The following MYH6 variants were observed in gnomAD, a reference collection of about 807,000 sequenced individuals.
MYH6 encodes myosin heavy chain 6, also known as myosin-6.
In MYH6, 126 loss-of-function variants were observed where a neutral mutation model predicts 223.2. The ratio of observed to expected loss-of-function variants is 0.56; its 90% CI spans 0.49 to 0.65. The LOEUF (loss-of-function observed/expected upper bound fraction) is 0.65, where lower values mean the gene tolerates loss of function less well. MYH6 is among the 30% of genes least tolerant of loss of function. The pLI, the probability that MYH6 is intolerant of heterozygous loss-of-function variation, is 0.00. For synonymous variants in MYH6, 978 were observed against 1,010.2 expected, an observed-to-expected ratio of 0.97 and a Z score of 0.61; for missense variants, 2,040 against 2,536.4, an observed-to-expected ratio of 0.80 and a Z score of 4.20.
At position 23,407,360 on chromosome 14, in the gene MYH6, C is replaced by T; in HGVS notation, c.-13-124G>A. 1 of 1,190,928 alleles carries T rather than the reference C, an allele frequency of 8.4e-7. No individual in the cohort carries two copies. Among genetic ancestry groups the T allele is most frequent in the Non-Finnish European group, 1.2e-6 (1 of 831,210 alleles). 73.8% of individuals were successfully genotyped at this position (1,190,928 alleles called of 1,614,324 possible). A position where few individuals can be genotyped will look rare whatever the true frequency, so the allele number is the denominator to read the frequency against. ...TCCTCCACCCTGGGAGAGGCACCTG[C>T]TGTTGCACCCTCCCCTACTCAGGGC... On this transcript the variant is annotated intron_variant, in intron 2 of 38. Transcript: ENST00000405093. The surrounding 1 kb of genome is among the most constrained non-coding windows in gnomAD (Gnocchi z 5.6).
At position 23,389,450 on chromosome 14, in the gene MYH6, C is replaced by T. The variant is rs761556453; in HGVS notation, c.3921G>A (p.Lys1307=). The T allele has an allele frequency of 2.5e-6, 4 of 1,614,200 alleles. No homozygotes were observed. The South Asian group carries it at 3.3e-5, about 13-fold the overall frequency. ...CCTCCATTTGCTGGGTATAAGAGAG[C>T]TTCCCCCGGGTCAGCTGCGAGATTA... ...EALISQLTRG[K]LSYTQQMEDL... The change falls in exon 28 of 39, where the codon AAG becomes AAA. Residue 1307 remains lysine (K), a synonymous_variant. Transcript: ENST00000405093.
Position 23,389,765 on chromosome 14 carries a change from C to T in MYH6, c.3733-46G>A, listed in dbSNP as rs368872583. The T allele has an allele frequency of 4.9e-4, 796 of 1,613,774 alleles. 1 individual carries two copies. Among genetic ancestry groups the T allele is most frequent in the East Asian group, 4.2e-4 (19 of 44,864 alleles). On this transcript the variant is annotated intron_variant, in intron 26 of 38. Coordinates refer to ENST00000405093, the MANE Select transcript of MYH6 (RefSeq NM_002471.4). ...AGGGTGAGTGTGGGAGGGGCTGAGT[C>T]GACCAGAGGAAGGAAGAGAGGGTCA...
At chr14:23,386,649 G>T in intron 32 of MYH6, 26 bp from the exon 33 acceptor site, 12 of 1,240,032 alleles carry the variant, frequency 9.7e-6, no homozygotes, top group Non-Finnish European at 1.3e-5. Context: ...GCGAGGGCGG[G>T]CAGACAGGGC....
At chr14:23,391,257 TC>T (rs1460848017) in intron 25 of MYH6, among the ~76,000 whole-genome samples, 1 of 152,068 alleles carries the variant, frequency 6.6e-6, no homozygotes. Flanking sequence ...CATGGATGGG[TC>T]CTACAAGCAG....
rs1404981774 is a variant in MYH6, at chr14:23,389,845, A to G, written c.3733-126T>C. On this transcript the variant is annotated intron_variant, in intron 26 of 38. Coordinates refer to ENST00000405093, the MANE Select transcript of MYH6 (RefSeq NM_002471.4). ...GGACACAGAAGGTGTGGGAGGGCGC[A>G]GTCTGAAGAGAGACTTGAATTAAAG... 6 of 1,544,388 alleles carry G rather than the reference A, an allele frequency of 3.9e-6. No homozygotes were observed. The African/African-American group carries it at 6.8e-5, about 18-fold the overall frequency.
chr14:23,383,339 G>GCA lies in MYH6; in HGVS notation c.5566-20_5566-19insTG. ...CCTCTGTCTGGGGGTGGGAGGGTGG[G>GCA]AGAAGCTGGTTTGGAGGGGGAGCAA... On this transcript the variant is annotated intron_variant, in intron 36 of 38. Transcript: ENST00000405093. 5 of 108,198 alleles carry GCA rather than the reference G, an allele frequency of 4.6e-5. No individual in the cohort carries two copies. The highest frequency in any genetic ancestry group is 7.5e-5 in the South Asian group (1 of 13,332). 6.7% of individuals were successfully genotyped at this position (108,198 alleles called of 1,614,324 possible).
At position 23,403,499 on chromosome 14, in the gene MYH6, C is replaced by T. The variant is rs1274270902; in HGVS notation, c.800-53G>A. 2.0e-6 allele frequency: 3 copies of T among 1,528,772 alleles called. No individual in the cohort carries two copies. The African/African-American group carries it at 4.1e-5, about 21-fold the overall frequency. The allele number at this position is 1,528,772 out of a possible 1,614,324, so 94.7% of individuals were successfully genotyped here. ...GGTGAGGAAGGAAAGAGAGTAGAGC[C>T]AGAAAAAGGTGGCCATGGGGGCAGA... is the stretch of plus-strand genomic sequence containing the variant. On this transcript the variant is annotated intron_variant, in intron 9 of 38. Transcript: ENST00000405093.
At chr14:23,382,135 G>T in intron 38 of MYH6, 72 bp from the exon 39 acceptor site, 2 of 1,423,410 alleles carry the variant, frequency 1.4e-6, no homozygotes, top group East Asian at 2.3e-5. Flanking sequence ...AATCCCTGGG[G>T]CTTTCAGAGG....
In MYH6 at chr14:23,389,072, G is replaced by A. The variant is rs977002628; in HGVS notation, c.3979-17C>T. On this transcript the variant is annotated splice_polypyrimidine_tract_variant and intron_variant, in intron 28 of 38. Transcript: ENST00000405093. The stretch of plus-strand genomic sequence containing the variant: ...GTTCTTCGCCTGGGGAGGGGGGGGG[G>A]CACCAGGAGGTGGGAGGGACTCCCT... The A allele has an allele frequency of 7.9e-6, 9 of 1,135,188 alleles. No individual in the cohort carries two copies. The highest frequency in any genetic ancestry group is 1.5e-5 in the African/African-American group (1 of 68,744). The allele number at this position is 1,135,188 out of a possible 1,614,324, so 70.3% of individuals were successfully genotyped here.
At chr14:23,383,659 T>C (rs1890929384) in intron 36 of MYH6, among the ~76,000 whole-genome samples, 1 of 152,228 alleles carries the variant, frequency 6.6e-6, no homozygotes, top group Non-Finnish European at 1.5e-5. Flanking sequence ...AACCTGGACT[T>C]ACATAGGTTC....
chr14:23,393,106 A>G (rs772712659), intron 23 of MYH6, 49 bp from the exon 24 acceptor site: 5 of 1,611,780 alleles, frequency 3.1e-6, no homozygotes, highest in Non-Finnish European at 3.4e-6. Flanking sequence ...TGAAATCCAT[A>G]GTGTATGCTC....
rs761539900 is a variant in MYH6, at chr14:23,387,818, C to T, written c.4465G>A (p.Ala1489Thr). 22 of 1,613,978 alleles carry T rather than the reference C, an allele frequency of 1.4e-5. No homozygotes were observed. The East Asian group carries it at 2.5e-4, about 18-fold the overall frequency. The change falls in exon 31 of 39, where the codon GCC (alanine) becomes ACC (threonine). Residue 1489 changes from alanine (A) to threonine (T), a missense_variant. Coordinates refer to ENST00000405093, the MANE Select transcript of MYH6 (RefSeq NM_002471.4). The part of the protein sequence containing the change: ...LSTELFKLKN[A>T]YEESLEHLET... ...AGGTGCTCCAGGGACTCCTCGTAGG[C>T]GTTCTTGAGCTTGAAGAGCTCTGTG...
intron 6 of MYH6, 99 bp from the exon 7 acceptor site, chr14:23,404,921 C>G: frequency 6.8e-6 from 10 of 1,478,722 alleles, no homozygotes; most frequent in Non-Finnish European, 9.4e-6. Context: ...CCATCAGAGC[C>G]CAGCACCCAG....
Position 23,382,840 on chromosome 14 carries a change from C to G in MYH6, c.5662-278G>C, listed in dbSNP as rs539002081. On this transcript the variant is annotated intron_variant, in intron 37 of 38. Coordinates refer to ENST00000405093, the MANE Select transcript of MYH6 (RefSeq NM_002471.4). ...CTGTTTTGCTGCACCTGTCCCGGAC[C>G]CCAGCTTCCTGTGCAGGCATGCTAA... 1.7e-3 allele frequency among the ~76,000 whole-genome samples: 255 copies of G among 152,294 alleles called. 3 individuals carry two copies. The highest frequency in any genetic ancestry group is 1.8e-3 in the Non-Finnish European group (121 of 68,028).
At chr14:23,403,629 T>C (rs1286398156) in intron 9 of MYH6, 86 bp downstream of exon 9, 6 of 1,326,712 alleles carry the variant, frequency 4.5e-6, no homozygotes, top group African/African-American at 2.9e-5. Flanking sequence ...AAACAGGAGA[T>C]GGCAGGAATG....
At position 23,382,476 on chromosome 14, in the gene MYH6, C is replaced by T; in HGVS notation, c.5748G>A (p.Glu1916=). 3 of 1,614,176 alleles carry T rather than the reference C, an allele frequency of 1.9e-6. No individual in the cohort carries two copies. Among genetic ancestry groups the T allele is most frequent in the Non-Finnish European group, 2.5e-6 (3 of 1,180,020 alleles). Residue 1916 remains glutamate (E), a synonymous_variant, in exon 38 of 39, where the codon GAG becomes GAA. Coordinates refer to ENST00000405093, the MANE Select transcript of MYH6 (RefSeq NM_002471.4). ...DEAEERADIA[E]SQVNKLRAKS... The stretch of plus-strand genomic sequence containing the variant: ...TGGCTCGAAGCTTGTTGACCTGGGA[C>T]TCAGCGATGTCCGCCCGCTCCTCTG...
intron 15 of MYH6, among the ~76,000 whole-genome samples, chr14:23,397,939 T>C (rs922579873): frequency 1.2e-4 from 6 of 48,518 alleles, no homozygotes; most frequent in African/African-American, 1.8e-4. Flanking sequence ...CTCCTCTTCT[T>C]CTTCTTCTTC....
At chr14:23,386,649 G>GGGGGGC in intron 32 of MYH6, 26 bp from the exon 33 acceptor site, 4 of 1,240,124 alleles carry the variant, frequency 3.2e-6, no homozygotes, top group Non-Finnish European at 3.5e-6. Context: ...GCGAGGGCGG[G>GGGGGGC]CAGACAGGGC....
intron 25 of MYH6, among the ~76,000 whole-genome samples, chr14:23,391,520 G>A (rs1237759175): frequency 2.6e-5 from 4 of 152,302 alleles, no homozygotes; most frequent in Admixed American, 1.3e-4. Flanking sequence ...TAATGAAGGC[G>A]GGCCAGTCCC....
Sources: allele counts gnomAD v4.1 joint callset (sites outside exome capture counted in the v4.1 genomes callset), GRCh38; gene constraint gnomAD v4.1.1; non-coding constraint Gnocchi (gnomAD v3.1); transcripts MANE v1.5; gene names NCBI Gene and HGNC (gene_info 2026-07-23, HGNC 2026-07-21).